Variants in TFCP2L1 observed in about 807,000 individuals in gnomAD.
TFCP2L1 encodes the protein transcription factor CP2-like protein 1.
A neutral mutation model predicts 72.2 loss-of-function variants in TFCP2L1; 12 were observed. That is an observed-to-expected ratio of 0.17 (90% confidence interval 0.11 to 0.27). The LOEUF (loss-of-function observed/expected upper bound fraction) is 0.27, where lower values mean the gene tolerates loss of function less well. Ranked by LOEUF, TFCP2L1 falls within the 10% of genes least tolerant of loss-of-function variation. TFCP2L1 has a pLI of 1.00. For synonymous variants in TFCP2L1, 260 were observed against 251.0 expected (o/e 1.04, Z -0.34); for missense variants, 488 against 624.6 (o/e 0.78, Z 2.33).
At chr2:121,276,634 GAA>G (rs199554642) in intron 2 of TFCP2L1, among the ~76,000 whole-genome samples, 7 of 100,000 alleles carry the variant, frequency 7.0e-5, no homozygotes, top group African/African-American at 1.4e-4. Flanking sequence ...CCCTGTCTCA[GAA>G]AAAAAAAAAA....
At chr2:121,284,140 G>A (rs549240253) in intron 1 of TFCP2L1, among the ~76,000 whole-genome samples, 150 of 152,262 alleles carry the variant, frequency 9.9e-4, no homozygotes, top group Non-Finnish European at 1.8e-3. Flanking sequence ...TCTAGTATGG[G>A]GGCTGTCAAT....
chr2:121,242,603 C>T lies in TFCP2L1; in HGVS notation c.658-134G>A, dbSNP rs1011848221. On this transcript the variant is annotated intron_variant, in intron 6 of 14. Coordinates refer to ENST00000263707, the MANE Select transcript of TFCP2L1 (RefSeq NM_014553.3). ...CTCAGGGGCAGGACAGCACCTATCT[C>T]CCCTCCCATTCTGCCTGAATGCTTC... The T allele has an allele frequency of 5.2e-6, 4 of 772,184 alleles. No homozygotes were observed. The Admixed American group carries it at 7.9e-5, about 15-fold the overall frequency. 47.8% of individuals were successfully genotyped at this position (772,184 alleles called of 1,614,324 possible).
chr2:121,254,217 C>G (rs551428183), intron 2 of TFCP2L1, among the ~76,000 whole-genome samples: 7 of 152,346 alleles, frequency 4.6e-5, no homozygotes, highest in Admixed American at 3.9e-4. Context: ...TAGTGCTGTT[C>G]TCTGTTAGAA....
chr2:121,229,660 A>C (rs993260044), intron 13 of TFCP2L1, among the ~76,000 whole-genome samples: 4 of 152,230 alleles, frequency 2.6e-5, no homozygotes, highest in African/African-American at 9.7e-5. Flanking sequence ...AGTCAATGAC[A>C]CCACCCACGA....
At chr2:121,228,456 TAA>T (rs35366541) in intron 13 of TFCP2L1, among the ~76,000 whole-genome samples, 199 of 144,794 alleles carry the variant, frequency 1.4e-3, no homozygotes, top group Middle Eastern at 7.0e-3. Context: ...AAATAGGAGT[TAA>T]AAAAAAAAAA....
intron 2 of TFCP2L1, among the ~76,000 whole-genome samples, chr2:121,267,798 A>G (rs1223716899): frequency 6.6e-6 from 1 of 152,144 alleles, no homozygotes; most frequent in African/African-American, 2.4e-5. Flanking sequence ...GCCCAGCCCT[A>G]AAAATCATGT....
At chr2:121,263,469 CAAAAAAAAAAAA>C (rs10603088) in intron 2 of TFCP2L1, among the ~76,000 whole-genome samples, 18 of 67,490 alleles carry the variant, frequency 2.7e-4, no homozygotes, top group Admixed American at 2.6e-3. Context: ...CTGTTTTTGG[CAAAAAAAAAAAA>C]AAAAAAAAAA....
At chr2:121,249,697 TG>T (rs1686566095) in intron 2 of TFCP2L1, 50 bp from the exon 3 acceptor site, 1 of 1,596,914 alleles carries the variant, frequency 6.3e-7, no homozygotes, top group South Asian at 1.1e-5. Flanking sequence ...TTTCTAAATT[TG>T]GGGTTCATTC....
At chr2:121,237,566 G>T in intron 10 of TFCP2L1, 57 bp downstream of exon 10, 1 of 1,585,404 alleles carries the variant, frequency 6.3e-7, no homozygotes, top group Non-Finnish European at 8.6e-7. Flanking sequence ...AAGGTGGCCA[G>T]CCTTGAAGTG....
intron 7 of TFCP2L1, chr2:121,240,688 G>A (rs973653881): frequency 1.0e-6 from 1 of 985,280 alleles, no homozygotes; most frequent in African/African-American, 1.7e-5. Flanking sequence ...AGAGGTTGAG[G>A]CTGTTAGGGA....
chr2:121,248,300 G>T, intron 4 of TFCP2L1, 30 bp from the exon 5 acceptor site: 1 of 1,545,186 alleles, frequency 6.5e-7, no homozygotes, highest in Non-Finnish European at 8.9e-7. Flanking sequence ...TACAGAAAGT[G>T]CAATTGTCAG....
chr2:121,249,022 G>T lies in TFCP2L1; in HGVS notation c.357C>A (p.Gly119=), dbSNP rs1407724322. The T allele has an allele frequency of 1.2e-6, 2 of 1,604,218 alleles. No homozygotes were observed. Among genetic ancestry groups the T allele is most frequent in the East Asian group, 2.3e-5 (1 of 44,152 alleles). ...LQYTEHQQLE[G]WRWSRPGDRI... ...GGTCCCCTGGCCGACTCCACCGCCAGCCCTCCAGCTGCTGGTGCTCCGTAT... is the reference window on the plus strand; with the variant it reads ...GGTCCCCTGGCCGACTCCACCGCCATCCCTCCAGCTGCTGGTGCTCCGTAT... The change falls in exon 4 of 15, where the codon GGC becomes GGA. Residue 119 remains glycine (G), a synonymous_variant. Coordinates refer to ENST00000263707, the MANE Select transcript of TFCP2L1 (RefSeq NM_014553.3).
At chr2:121,275,384 A>G (rs1445013325) in intron 2 of TFCP2L1, among the ~76,000 whole-genome samples, 1 of 108,696 alleles carries the variant, frequency 9.2e-6, no homozygotes, top group Non-Finnish European at 1.9e-5. Context: ...GGGCGACAGC[A>G]CGAGACTCCA....
At chr2:121,254,402 C>T (rs903083666) in intron 2 of TFCP2L1, among the ~76,000 whole-genome samples, 4 of 152,182 alleles carry the variant, frequency 2.6e-5, no homozygotes, top group Non-Finnish European at 4.4e-5. Context: ...GAGTGTGAGA[C>T]AGGTTCGAAC....
In TFCP2L1 at chr2:121,223,716, C is replaced by G. The variant is rs1685969756; in HGVS notation, c.*625G>C. 6.5e-6 allele frequency: 1 copy of G among 154,576 alleles called. No individual in the cohort carries two copies. Among genetic ancestry groups the G allele is most frequent in the African/African-American group, 2.4e-5 (1 of 41,454 alleles). The allele number at this position is 154,576 out of a possible 1,614,324, so 9.6% of individuals were successfully genotyped here. A position where few individuals can be genotyped will look rare whatever the true frequency, so the allele number is the denominator to read the frequency against. The stretch of plus-strand genomic sequence containing the variant: ...ATCTTTGGGTTCCGCAGCAGCAGAT[C>G]CTTAGAAACAACGTAGAGAAGAAAG... On this transcript the variant is annotated 3_prime_UTR_variant, in exon 15 of 15. Transcript: ENST00000263707.
At chr2:121,236,063 G>A (rs1482831827) in intron 10 of TFCP2L1, among the ~76,000 whole-genome samples, 7 of 152,126 alleles carry the variant, frequency 4.6e-5, no homozygotes, top group African/African-American at 7.2e-5. Flanking sequence ...CATGTTTCAC[G>A]GTGCATTTGT....
At chr2:121,230,815 C>T (rs74902775) in intron 13 of TFCP2L1, among the ~76,000 whole-genome samples, 17,386 of 152,026 alleles carry the variant, frequency 0.11, 1,143 homozygotes, top group Middle Eastern at 0.15. Flanking sequence ...GTGGCTCACA[C>T]CTATAATCTC....
At chr2:121,240,819 C>T in intron 7 of TFCP2L1, 1 of 879,366 alleles carries the variant, frequency 1.1e-6, no homozygotes, top group Non-Finnish European at 1.4e-6. Context: ...CATCCTGCCA[C>T]TCCTTTGCGG....
At chr2:121,247,093 C>T in intron 5 of TFCP2L1, 123 bp from the exon 6 acceptor site, 1 of 1,179,690 alleles carries the variant, frequency 8.5e-7, no homozygotes. Flanking sequence ...CTGCCTCGAC[C>T]TCCCTGCTTT....
Sources: gnomAD v4.1 joint callset for allele counts (sites outside exome capture counted in the v4.1 genomes callset) on GRCh38, gnomAD v4.1.1 for gene constraint, MANE v1.5 for transcripts, NCBI Gene and HGNC (gene_info 2026-07-23, HGNC 2026-07-21) for gene names.